CDC14A: variants seen among roughly 807,000 people sequenced by gnomAD.
CDC14A encodes dual specificity protein phosphatase CDC14A.
CDC14A carries 53 observed loss-of-function variants against 74.4 expected under a neutral mutation model. That is an observed-to-expected ratio of 0.71 (90% CI 0.57 to 0.89). CDC14A has a LOEUF of 0.89. Among genes scored for constraint, CDC14A ranks in the 40% least tolerant of loss-of-function variants. The probability of loss-of-function intolerance (pLI) is 0.00; values close to 1 mark genes in which losing one functional copy is unlikely to be tolerated. For missense variants in CDC14A, 646 were observed against 713.7 expected (o/e 0.91, Z 1.08); for synonymous variants, 247 against 258.4 (o/e 0.96, Z 0.43).
chr1:100,462,566 A>G (rs1667413568), intron 8 of CDC14A, 85 bp from the exon 9 acceptor site: 4 of 1,034,668 alleles, frequency 3.9e-6, no homozygotes, highest in Non-Finnish European at 5.9e-6. Flanking sequence ...TGAGATTTAT[A>G]CACTTCATTG....
intron 5 of CDC14A, among the ~76,000 whole-genome samples, chr1:100,437,163 G>T (rs1664438801): frequency 6.6e-6 from 1 of 152,146 alleles, no homozygotes; most frequent in Non-Finnish European, 1.5e-5. Context: ...TCCAGCCTGG[G>T]TGACAGAGTG....
chr1:100,495,624 G>A (rs2270691), intron 12 of CDC14A, among the ~76,000 whole-genome samples: 142,473 of 152,272 alleles, frequency 0.94, 67,194 homozygotes, highest in Non-Finnish European at 1. Context: ...ACATTTTTTT[G>A]ACTTATAAAT....
intron 4 of CDC14A, chr1:100,391,107 ATTTCTAGG>A: frequency 1.2e-5 from 5 of 406,858 alleles, no homozygotes; most frequent in African/African-American, 2.1e-5. Flanking sequence ...TACCAAGGAC[ATTTCTAGG>A]AAAAAAAAAT....
intron 2 of CDC14A, among the ~76,000 whole-genome samples, chr1:100,369,967 C>T (rs1031348862): frequency 6.6e-6 from 1 of 151,640 alleles, no homozygotes; most frequent in Non-Finnish European, 1.5e-5. Context: ...TATGCCACCA[C>T]ACCTGGCTAA....
intron 6 of CDC14A, 52 bp downstream of exon 6, chr1:100,440,050 A>C: frequency 7.6e-7 from 1 of 1,316,526 alleles, no homozygotes. Flanking sequence ...AAAAAATATG[A>C]GAAAGGAATA....
intron 1 of CDC14A, among the ~76,000 whole-genome samples, chr1:100,345,483 A>G (rs1432012216): frequency 6.6e-6 from 1 of 152,196 alleles, no homozygotes; most frequent in African/African-American, 2.4e-5. Context: ...ATCAGAAGAA[A>G]CAGAGTCCAA....
chr1:100,392,961 T>A (rs1394520252), intron 4 of CDC14A: 8 of 1,009,362 alleles, frequency 7.9e-6, no homozygotes, highest in African/African-American at 1.6e-5. Flanking sequence ...GTTGCTGTTG[T>A]CCTTAACAGT....
chr1:100,410,786 G>T (rs186863241), intron 4 of CDC14A, among the ~76,000 whole-genome samples: 26 of 152,260 alleles, frequency 1.7e-4, no homozygotes, highest in African/African-American at 1.4e-4. Context: ...ATTAAAATTT[G>T]GGGGATTTAA....
Position 100,468,156 on chromosome 1 carries a change from C to G in CDC14A, c.977+62C>G, listed in dbSNP as rs17122602. 137 of 1,585,482 alleles carry G rather than the reference C, an allele frequency of 8.6e-5. No individual in the cohort carries two copies. In the East Asian group the frequency reaches 2.3e-3, roughly 27 times the overall value. The stretch of plus-strand genomic sequence containing the variant: ...TTCTTGATCCTTTCTACCTCTTGTT[C>G]CCCTGGTTGTGGACCATGTCAGCCT... On this transcript the variant is annotated intron_variant, in intron 10 of 15. Transcript: ENST00000336454.
At chr1:100,424,434 TTTA>T in intron 5 of CDC14A, 133 bp downstream of exon 5, 1 of 654,334 alleles carries the variant, frequency 1.5e-6, no homozygotes, top group Non-Finnish European at 2.8e-6. Flanking sequence ...GATGGTAGTT[TTTA>T]TTATTTCATT....
upstream of CDC14A, among the ~76,000 whole-genome samples, chr1:100,350,973 T>C (rs1388503003): frequency 7.9e-5 from 12 of 152,176 alleles, no homozygotes; most frequent in Admixed American, 7.9e-4. Context: ...CAGGGCGGAT[T>C]GCTTGTGCTC....
chr1:100,435,123 G>C (rs531266530), intron 5 of CDC14A, among the ~76,000 whole-genome samples: 2 of 152,308 alleles, frequency 1.3e-5, no homozygotes, highest in African/African-American at 4.8e-5. Flanking sequence ...CTGGTCTAGA[G>C]AGAGAGAGTA....
At chr1:100,387,288 A>G (rs1657013499) in intron 3 of CDC14A, among the ~76,000 whole-genome samples, 1 of 152,220 alleles carries the variant, frequency 6.6e-6, no homozygotes, top group African/African-American at 2.4e-5. Context: ...TTTTGAGATT[A>G]GTAGATTTTT....
intron 4 of CDC14A, among the ~76,000 whole-genome samples, chr1:100,412,725 T>TTATATATA (rs1453619061): frequency 1.4e-4 from 12 of 82,916 alleles, no homozygotes; most frequent in African/African-American, 9.8e-4. Flanking sequence ...TATATATATT[T>TTATATATA]TATATATATA....
chr1:100,391,636 G>T (rs1168826611), intron 4 of CDC14A, among the ~76,000 whole-genome samples: 2 of 152,198 alleles, frequency 1.3e-5, no homozygotes, highest in Non-Finnish European at 2.9e-5. Context: ...CTGAAGCCAT[G>T]GAAGCAACCC....
exon 1 of CDC14A, chr1:100,345,125 A>G (rs879834815): frequency 6.6e-6 from 1 of 152,210 alleles, no homozygotes; most frequent in Admixed American, 6.5e-5. Flanking sequence ...TCAGAAATGA[A>G]GAAGGACATT....
chr1:100,379,826 G>T (rs1302499546), intron 3 of CDC14A, among the ~76,000 whole-genome samples: 1 of 152,142 alleles, frequency 6.6e-6, no homozygotes, highest in Non-Finnish European at 1.5e-5. Flanking sequence ...GAACAGTCAT[G>T]TCATATGGCA....
At chr1:100,397,254 G>C (rs1361609283) in intron 4 of CDC14A, among the ~76,000 whole-genome samples, 3 of 152,126 alleles carry the variant, frequency 2.0e-5, no homozygotes, top group Admixed American at 6.5e-5. Context: ...CCATTTTAGG[G>C]ATGCCTCTAC....
At chr1:100,441,202 T>C (rs1039839534) in intron 6 of CDC14A, among the ~76,000 whole-genome samples, 1 of 152,234 alleles carries the variant, frequency 6.6e-6, no homozygotes, top group African/African-American at 2.4e-5. Context: ...TAACTCAGTA[T>C]AGAAAGTTGT....
Sources: allele counts gnomAD v4.1 joint callset (sites outside exome capture counted in the v4.1 genomes callset), GRCh38; gene constraint gnomAD v4.1.1; transcripts MANE v1.5; gene names NCBI Gene and HGNC (gene_info 2026-07-23, HGNC 2026-07-21).